COL4A4: variants seen among roughly 807,000 people sequenced by gnomAD.
COL4A4 encodes collagen type IV alpha 4 chain.
Under a neutral mutation model 192.9 loss-of-function variants are expected in COL4A4, and 105 were observed. The observed-to-expected ratio is 0.54, with a 90% CI of 0.46 to 0.64. The LOEUF is 0.64. Among genes scored for constraint, COL4A4 ranks in the 30% least tolerant of loss-of-function variants. The pLI is 0.00. For missense variants in COL4A4, 1,967 were observed against 2,169.3 expected, an observed-to-expected ratio of 0.91 and a Z score of 1.85; for synonymous variants, 762 against 769.9, an observed-to-expected ratio of 0.99 and a Z score of 0.17.
At position 227,088,805 on chromosome 2, in the gene COL4A4, G is replaced by A. The variant is rs777805216; in HGVS notation, c.1471C>T (p.Leu491Phe). The A allele has an allele frequency of 7.4e-6, 12 of 1,614,124 alleles. No individual in the cohort carries two copies. The East Asian group carries it at 2.7e-4, about 36-fold the overall frequency. Reference protein sequence around the residue: ...GPKGEKGNEGLCACEPGPMGP... With the variant: ...GPKGEKGNEGFCACEPGPMGP... ...ATGGGTCCAGGCTCACAGGCACAGA[G>A]TCCTTCATTTCCTAGACAGAGGATC... Residue 491 changes from leucine to phenylalanine, a missense_variant, in exon 22 of 48, where the codon CTC (leucine) becomes TTC (phenylalanine). Transcript: ENST00000396625.
intron 4 of COL4A4, among the ~76,000 whole-genome samples, chr2:227,124,436 T>C (rs374339199): frequency 2.5e-4 from 38 of 152,230 alleles, no homozygotes; most frequent in Admixed American, 2.0e-3. Context: ...ACAAACATGA[T>C]TGACAACCTT....
chr2:227,052,191 CAAAA>C, intron 32 of COL4A4, 110 bp downstream of exon 32: 1 of 573,592 alleles, frequency 1.7e-6, no homozygotes, highest in Non-Finnish European at 3.1e-6. Context: ...AACTCCATCT[CAAAA>C]AAAAAAAAGT....
intron 44 of COL4A4, among the ~76,000 whole-genome samples, chr2:227,016,933 G>A (rs900215125): frequency 6.6e-6 from 1 of 152,160 alleles, no homozygotes; most frequent in African/African-American, 2.4e-5. Flanking sequence ...CCTGGTGACT[G>A]GGCAGAAACC....
chr2:226,968,721 A>G, the COL4A4 span, among the ~76,000 whole-genome samples: 961 of 152,318 alleles, frequency 6.3e-3, 17 homozygotes, highest in African/African-American at 0.022. Flanking sequence ...GGCAGTTGGC[A>G]TTCTAGAGGG....
chr2:227,104,152 A>G (rs753093589), intron 12 of COL4A4, 100 bp from the exon 13 acceptor site: 3 of 957,410 alleles, frequency 3.1e-6, no homozygotes, highest in Middle Eastern at 2.6e-4. Context: ...CCTATGTGTC[A>G]TGGATTTAAA....
intron 45 of COL4A4, among the ~76,000 whole-genome samples, chr2:227,011,323 GC>G (rs1963648069): frequency 6.6e-6 from 1 of 152,200 alleles, no homozygotes; most frequent in South Asian, 2.1e-4. Flanking sequence ...CAAAGTGGTA[GC>G]CTGTGGACTG....
At chr2:227,142,741 G>A (rs1230558684) in intron 3 of COL4A4, among the ~76,000 whole-genome samples, 2 of 148,598 alleles carry the variant, frequency 1.3e-5, no homozygotes, top group Admixed American at 6.7e-5. Context: ...GGGTGACACA[G>A]TGAGACCCTG....
chr2:226,999,891 A>C (rs1001111323), downstream of COL4A4, among the ~76,000 whole-genome samples: 100 of 152,236 alleles, frequency 6.6e-4, 5 homozygotes, highest in Non-Finnish European at 2.9e-5. Flanking sequence ...GGTTTCTGCC[A>C]GGAAGTTGTG....
intron 7 of COL4A4, among the ~76,000 whole-genome samples, chr2:227,115,656 T>C (rs1184323335): frequency 6.6e-6 from 1 of 152,204 alleles, no homozygotes; most frequent in Non-Finnish European, 1.5e-5. Flanking sequence ...ATGAAAGATA[T>C]ATACATTTCA....
chr2:226,970,272 A>G, the COL4A4 span, among the ~76,000 whole-genome samples: 1 of 151,992 alleles, frequency 6.6e-6, no homozygotes, highest in African/African-American at 2.4e-5. Context: ...AACAAAAGAG[A>G]GAAATAAAAC....
At chr2:227,009,992 A>G (rs1230271293) in intron 46 of COL4A4, among the ~76,000 whole-genome samples, 1 of 152,246 alleles carries the variant, frequency 6.6e-6, no homozygotes, top group Non-Finnish European at 1.5e-5. Flanking sequence ...AGCAAAAAGT[A>G]CATTTCATAA....
intron 43 of COL4A4, among the ~76,000 whole-genome samples, chr2:227,023,440 T>C (rs1199812989): frequency 1.5e-5 from 1 of 68,634 alleles, no homozygotes; most frequent in Admixed American, 1.6e-4. Flanking sequence ...AGATTCCATC[T>C]CAAAAAAAAA....
In COL4A4 at chr2:227,091,249, GAT is replaced by G. The variant is rs139998459; in HGVS notation, c.1370-1294_1370-1293del. On this transcript the variant is annotated intron_variant, in intron 20 of 47. Transcript: ENST00000396625. ...AAGAGAACACAGCAATTGAAAAACA[GAT>G]ATAGATATAGATATAGATATAGATA... Among the ~76,000 whole-genome samples, 58 of 104,006 alleles carry G rather than the reference GAT, an allele frequency of 5.6e-4. No individual in the cohort carries two copies. The East Asian group carries it at 7.4e-3, about 13-fold the overall frequency. The allele number at this position is 104,006 out of a possible 152,430, so 68.2% of individuals were successfully genotyped here. A position where few individuals can be genotyped will look rare whatever the true frequency, so the allele number is the denominator to read the frequency against.
At chr2:227,133,723 C>G (rs2062629439) in intron 4 of COL4A4, among the ~76,000 whole-genome samples, 1 of 152,046 alleles carries the variant, frequency 6.6e-6, no homozygotes, top group Admixed American at 6.5e-5. Context: ...AAAATCCCAT[C>G]TCTACTAAAA....
chr2:227,075,073 T>A (rs2150438028), intron 25 of COL4A4, among the ~76,000 whole-genome samples: 2 of 152,238 alleles, frequency 1.3e-5, no homozygotes, highest in East Asian at 3.9e-4. Context: ...TTACCAGAGC[T>A]ACAAAGAGGA....
chr2:227,082,228 T>C, intron 22 of COL4A4, 41 bp from the exon 23 acceptor site: 1 of 1,456,288 alleles, frequency 6.9e-7, no homozygotes. Flanking sequence ...TTAATTGTGA[T>C]GGATCAACAG....
At chr2:227,076,324 G>A (rs2059022494) in intron 25 of COL4A4, among the ~76,000 whole-genome samples, 1 of 152,144 alleles carries the variant, frequency 6.6e-6, no homozygotes. Flanking sequence ...AGAGACCTCA[G>A]AAATAACACT....
chr2:227,011,056 G>A (rs987798798), intron 45 of COL4A4, among the ~76,000 whole-genome samples: 2 of 152,160 alleles, frequency 1.3e-5, no homozygotes, highest in African/African-American at 2.4e-5. Context: ...CGAGAAGAGA[G>A]GGAAATGGAA....
chr2:227,137,800 T>C (rs2062917893), intron 4 of COL4A4, among the ~76,000 whole-genome samples: 1 of 152,218 alleles, frequency 6.6e-6, no homozygotes, highest in African/African-American at 2.4e-5. Flanking sequence ...AATCTATTTA[T>C]CTTGGTCCTG....
Sources: allele counts gnomAD v4.1 joint callset (sites outside exome capture counted in the v4.1 genomes callset), GRCh38; gene constraint gnomAD v4.1.1; transcripts MANE v1.5; gene names NCBI Gene and HGNC (gene_info 2026-07-23, HGNC 2026-07-21).